Variants in COX16 observed in about 807,000 individuals in gnomAD.
COX16 encodes the protein cytochrome c oxidase assembly factor COX16, also known as cytochrome c oxidase assembly protein COX16 homolog, mitochondrial.
COX16 carries 12 observed loss-of-function variants against 15.4 expected under a neutral mutation model. That is an observed-to-expected ratio of 0.78 (90% CI 0.50 to 1.26). COX16 has a LOEUF of 1.26. COX16 is among the 50% of genes most tolerant of loss of function. COX16 has a pLI of 0.00. For missense variants in COX16, 124 were observed against 127.6 expected, an observed-to-expected ratio of 0.97 and a Z score of 0.14; for synonymous variants, 46 against 41.1, an observed-to-expected ratio of 1.12 and a Z score of -0.46.
At chr14:70,340,718 G>A (rs965100340) in intron 2 of COX16, among the ~76,000 whole-genome samples, 3 of 152,156 alleles carry the variant, frequency 2.0e-5, no homozygotes, top group African/African-American at 7.2e-5. Context: ...TCCACTGCCA[G>A]AGAGTTAGTT....
chr14:70,359,171 G>C, intron 1 of COX16: 1 of 472,074 alleles, frequency 2.1e-6, no homozygotes. Context: ...TCCAAACTTG[G>C]CTTAAAGTGT....
At chr14:70,356,613 C>T (rs1887133140) in intron 1 of COX16, among the ~76,000 whole-genome samples, 1 of 151,988 alleles carries the variant, frequency 6.6e-6, no homozygotes, top group Non-Finnish European at 1.5e-5. Context: ...TCAAAGGAAA[C>T]ATCATAAAAA....
intron 1 of COX16, among the ~76,000 whole-genome samples, chr14:70,347,083 C>T (rs1886806430): frequency 6.6e-6 from 1 of 152,056 alleles, no homozygotes; most frequent in Non-Finnish European, 1.5e-5. Flanking sequence ...CCCCCGTCCG[C>T]ATTACCCTTA....
At chr14:70,349,648 C>CA (rs534005352) in intron 1 of COX16, among the ~76,000 whole-genome samples, 47 of 152,074 alleles carry the variant, frequency 3.1e-4, no homozygotes, top group African/African-American at 9.6e-4. Flanking sequence ...CAGTTGTGGA[C>CA]AAAAAAAATC....
At chr14:70,329,674 TGAAAAC>T (rs1288703673) in intron 2 of COX16, among the ~76,000 whole-genome samples, 1 of 137,290 alleles carries the variant, frequency 7.3e-6, no homozygotes, top group East Asian at 2.0e-4. Flanking sequence ...ATGCTGCACT[TGAAAAC>T]AAAAAGGAAT....
rs566024446 is a variant in COX16, at chr14:70,346,409, G to A, written c.70-3680C>T. Among the ~76,000 whole-genome samples, 5 of 152,298 alleles carry A rather than the reference G, an allele frequency of 3.3e-5. No individual in the cohort carries two copies. The East Asian group carries it at 5.8e-4, about 18-fold the overall frequency. On this transcript the variant is annotated intron_variant, in intron 1 of 3. Coordinates refer to ENST00000389912, the MANE Select transcript of COX16 (RefSeq NM_016468.7). ...CTCCACTTGGCACCTTTTCAAGTGC[G>A]GCAATGAAGGCCACTGGTCCAGACA...
chr14:70,336,644 T>C (rs957074046), intron 2 of COX16, among the ~76,000 whole-genome samples: 8 of 152,206 alleles, frequency 5.3e-5, no homozygotes. Context: ...GACCTACTGT[T>C]GGTGGGCACG....
intron 2 of COX16, among the ~76,000 whole-genome samples, chr14:70,331,295 G>A (rs934610904): frequency 3.3e-5 from 5 of 151,930 alleles, no homozygotes; most frequent in Admixed American, 1.3e-4. Flanking sequence ...TGTGAGCCAC[G>A]GCACCCAACC....
At chr14:70,357,690 A>G (rs894373044) in intron 1 of COX16, among the ~76,000 whole-genome samples, 3 of 152,256 alleles carry the variant, frequency 2.0e-5, no homozygotes, top group African/African-American at 7.2e-5. Context: ...CAAAACCACA[A>G]TGAGGTATCA....
intron 1 of COX16, chr14:70,359,310 A>C: frequency 3.1e-6 from 2 of 649,498 alleles, no homozygotes; most frequent in Non-Finnish European, 2.8e-6. Flanking sequence ...CCTGAAATCC[A>C]ACCGGGAGTG....
chr14:70,331,434 A>T (rs772990737), intron 2 of COX16, among the ~76,000 whole-genome samples: 1 of 152,216 alleles, frequency 6.6e-6, no homozygotes, highest in Non-Finnish European at 1.5e-5. Context: ...CCAATAATCC[A>T]GTAGAAAAAA....
At chr14:70,342,522 G>T in intron 2 of COX16, 136 bp downstream of exon 2, 1 of 758,220 alleles carries the variant, frequency 1.3e-6, no homozygotes, top group Non-Finnish European at 2.0e-6. Flanking sequence ...TTATTTTAAA[G>T]AAAAAAACAA....
chr14:70,350,449 G>A (rs547594750), intron 1 of COX16, among the ~76,000 whole-genome samples: 8 of 152,218 alleles, frequency 5.3e-5, no homozygotes, highest in South Asian at 2.1e-4. Flanking sequence ...GTACATTGGC[G>A]CGCTCTCGGG....
At chr14:70,347,700 A>G (rs1429376590) in intron 1 of COX16, among the ~76,000 whole-genome samples, 1 of 152,134 alleles carries the variant, frequency 6.6e-6, no homozygotes, top group East Asian at 1.9e-4. Context: ...GTCTCCCCTA[A>G]GAAAGCACAA....
intron 2 of COX16, among the ~76,000 whole-genome samples, chr14:70,333,550 AAAAG>A (rs1480950147): frequency 6.6e-6 from 1 of 152,222 alleles, no homozygotes; most frequent in South Asian, 2.1e-4. Context: ...GAAAAAAGGA[AAAAG>A]AATGAAAGTA....
intron 2 of COX16, 81 bp downstream of exon 2, chr14:70,342,577 T>G: frequency 7.4e-7 from 1 of 1,347,008 alleles, no homozygotes; most frequent in Non-Finnish European, 1.0e-6. Flanking sequence ...TCAGACTACT[T>G]AGTATACTGA....
At chr14:70,333,489 A>G (rs1886354511) in intron 2 of COX16, among the ~76,000 whole-genome samples, 1 of 152,236 alleles carries the variant, frequency 6.6e-6, no homozygotes, top group Non-Finnish European at 1.5e-5. Flanking sequence ...CAAACAGATG[A>G]AAGATCAGTG....
At chr14:70,346,060 T>C (rs1166038550) in intron 1 of COX16, among the ~76,000 whole-genome samples, 2 of 152,016 alleles carry the variant, frequency 1.3e-5, no homozygotes, top group Non-Finnish European at 2.9e-5. Flanking sequence ...GCTTGTAAAC[T>C]CATCCCGCCA....
intron 1 of COX16, among the ~76,000 whole-genome samples, chr14:70,351,036 T>C (rs1460887962): frequency 6.6e-6 from 1 of 152,208 alleles, no homozygotes; most frequent in African/African-American, 2.4e-5. Flanking sequence ...GAAAATAATA[T>C]TTTCAAAAGC....
Sources: gnomAD v4.1 joint callset for allele counts (sites outside exome capture counted in the v4.1 genomes callset) on GRCh38, gnomAD v4.1.1 for gene constraint, MANE v1.5 for transcripts, NCBI Gene and HGNC (gene_info 2026-07-23, HGNC 2026-07-21) for gene names.